EVC: variants seen among roughly 807,000 people sequenced by gnomAD.
EVC encodes EvC ciliary complex subunit 1.
In EVC, 116 loss-of-function variants were observed where a neutral mutation model predicts 118.9. The ratio of observed to expected loss-of-function variants is 0.98; its 90% CI spans 0.84 to 1.14. The LOEUF is 1.14. EVC is among the 50% of genes most tolerant of loss of function. The pLI is 0.00. For synonymous variants in EVC, 619 were observed against 534.7 expected (o/e 1.16, Z -2.18); for missense variants, 1,401 against 1,246.4 (o/e 1.12, Z -1.87).
rs1279751530 is a variant in EVC, at chr4:5,783,668, A to G, written c.1680A>G (p.Glu560=). 1.2e-6 allele frequency: 2 copies of G among 1,614,184 alleles called. No homozygotes were observed. Reference sequence around the variant, plus strand: ...AAGAGTGTGACTACTTGAGGCAGGAAGTCCAGGAGAACGCTGCCTGGCAGC... The same window carrying G: ...AAGAGTGTGACTACTTGAGGCAGGAGGTCCAGGAGAACGCTGCCTGGCAGC... ...PPEECDYLRQ[E]VQENAAWQLG... is the part of the protein sequence containing the mutation. The change falls in exon 12 of 21, where the codon GAA becomes GAG. Residue 560 remains glutamate (E), a synonymous_variant. Coordinates refer to ENST00000264956, the MANE Select transcript of EVC (RefSeq NM_153717.3).
chr4:5,752,785 T>C (rs1730589585), intron 8 of EVC, 51 bp from the exon 9 acceptor site: 3 of 1,584,282 alleles, frequency 1.9e-6, no homozygotes, highest in African/African-American at 2.7e-5. Flanking sequence ...TAACATGCCC[T>C]GGTGGTTCCC....
At chr4:5,788,135 A>G (rs1712061052) in intron 12 of EVC, among the ~76,000 whole-genome samples, 1 of 152,080 alleles carries the variant, frequency 6.6e-6, no homozygotes, top group South Asian at 2.1e-4. Context: ...CCAGTCACAC[A>G]CCACCTGTAT....
At chr4:5,747,956 A>G in intron 7 of EVC, 192 bp from the exon 8 acceptor site, 1 of 654,338 alleles carries the variant, frequency 1.5e-6, no homozygotes, top group Non-Finnish European at 2.7e-6. Flanking sequence ...TGACACTGGA[A>G]CCAGACAATG....
At chr4:5,820,433 A>T in the EVC span, among the ~76,000 whole-genome samples, 1 of 152,218 alleles carries the variant, frequency 6.6e-6, no homozygotes, top group Non-Finnish European at 1.5e-5. Context: ...TGGAAGGAAG[A>T]AATGTGAAGT....
At chr4:5,786,611 C>T (rs1471972730) in intron 12 of EVC, among the ~76,000 whole-genome samples, 2 of 152,272 alleles carry the variant, frequency 1.3e-5, no homozygotes, top group Non-Finnish European at 2.9e-5. Flanking sequence ...CGGTGGCTCA[C>T]GCCTATAATC....
intron 3 of EVC, 49 bp downstream of exon 3, chr4:5,729,439 G>T (rs1334736790): frequency 1.3e-6 from 2 of 1,545,334 alleles, no homozygotes; most frequent in Admixed American, 1.7e-5. Context: ...TCCGTCATGT[G>T]CCAGAGATTG....
chr4:5,777,962 A>G (rs1244219660), intron 11 of EVC, among the ~76,000 whole-genome samples: 3 of 151,558 alleles, frequency 2.0e-5, no homozygotes, highest in Admixed American at 6.6e-5. Flanking sequence ...AGCATTAGGT[A>G]TATCTCCCAG....
intron 8 of EVC, among the ~76,000 whole-genome samples, chr4:5,751,769 G>C (rs1054658194): frequency 6.7e-6 from 1 of 150,296 alleles, no homozygotes; most frequent in African/African-American, 2.4e-5. Context: ...GACAAGCAGG[G>C]AAGGACCACA....
intron 17 of EVC, among the ~76,000 whole-genome samples, chr4:5,807,155 G>A (rs950004684): frequency 6.6e-6 from 1 of 152,158 alleles, no homozygotes; most frequent in Non-Finnish European, 1.5e-5. Flanking sequence ...CCTTGAGGAC[G>A]GGGACTGTGG....
intron 14 of EVC, 117 bp downstream of exon 14, chr4:5,797,349 C>T (rs1300722769): frequency 2.0e-5 from 18 of 896,916 alleles, no homozygotes; most frequent in Admixed American, 4.0e-5. Context: ...CTGCAGGGTG[C>T]GGTATTCATT....
At chr4:5,821,457 G>GTT in the EVC span, 1 of 395,390 alleles carries the variant, frequency 2.5e-6, no homozygotes, top group South Asian at 5.8e-5. The surrounding 1 kb of genome is among the most constrained non-coding windows in gnomAD (Gnocchi z 4.4). Context: ...AGCCAGTGGA[G>GTT]TTAGAAGTGG....
chr4:5,756,149 G>T lies in EVC; in HGVS notation c.1465-115G>T. On this transcript the variant is annotated intron_variant, in intron 10 of 20. Coordinates refer to ENST00000264956, the MANE Select transcript of EVC (RefSeq NM_153717.3). The surrounding 1 kb of genome is among the most constrained non-coding windows in gnomAD (Gnocchi z 4.2). ...CTCAGTTTCCTTGTGTGTAATACAG[G>T]TGCCAACATCCTTCTTTCTAACCTG... The T allele has an allele frequency of 1.2e-6, 1 of 804,656 alleles. No individual in the cohort carries two copies. The highest frequency in any genetic ancestry group is 2.1e-6 in the Non-Finnish European group (1 of 479,560). The allele number at this position is 804,656 out of a possible 1,614,324, so 49.8% of individuals were successfully genotyped here.
intron 11 of EVC, among the ~76,000 whole-genome samples, chr4:5,762,614 T>A (rs1192448439): frequency 2.7e-5 from 4 of 150,084 alleles, no homozygotes; most frequent in African/African-American, 9.9e-5. Context: ...TGAGATGGTA[T>A]CTCATTGTGG....
Position 5,712,783 on chromosome 4 carries a change from T to G in EVC, c.174+1229T>G, listed in dbSNP as rs184598737. On this transcript the variant is annotated intron_variant, in intron 1 of 20. Coordinates refer to ENST00000264956, the MANE Select transcript of EVC (RefSeq NM_153717.3). ...GGGGGTTGTCAGATCCTGCTGGTGA[T>G]TAAGAGACACTAAGAGATGCTGGCT... Among the ~76,000 whole-genome samples the G allele has an allele frequency of 1.6e-3, 243 of 152,234 alleles. 1 individual carries two copies. The highest frequency in any genetic ancestry group is 5.4e-3 in the African/African-American group (225 of 41,526).
rs1159786534 is a variant in EVC, at chr4:5,711,338, G to T, written c.-43G>T. 2.0e-6 allele frequency: 2 copies of T among 1,006,706 alleles called. No homozygotes were observed. Among genetic ancestry groups the T allele is most frequent in the Non-Finnish European group, 1.2e-6 (1 of 844,568 alleles). 62.4% of individuals were successfully genotyped at this position (1,006,706 alleles called of 1,614,324 possible). A position where few individuals can be genotyped will look rare whatever the true frequency, so the allele number is the denominator to read the frequency against. ...TCGCCGCCCTGGCGGGGACGGTGCA[G>T]CAGGCGGCGGGATGCGGCGGGGCGG... On this transcript the variant is annotated 5_prime_UTR_variant, in exon 1 of 21. Transcript: ENST00000264956.
At chr4:5,721,093 C>A (rs1724885521) in intron 2 of EVC, among the ~76,000 whole-genome samples, 1 of 152,102 alleles carries the variant, frequency 6.6e-6, no homozygotes, top group South Asian at 2.1e-4. Context: ...TGCATGGCAT[C>A]TCCCTGTCTC....
chr4:5,779,557 A>G (rs34880680), intron 11 of EVC, among the ~76,000 whole-genome samples: 65,275 of 122,742 alleles, frequency 0.53, 18,294 homozygotes, highest in African/African-American at 0.72. Context: ...GGTCCTTCAC[A>G]TCCCTTGTAA....
chr4:5,784,529 C>G (rs1194243627), intron 12 of EVC, among the ~76,000 whole-genome samples: 2 of 151,814 alleles, frequency 1.3e-5, no homozygotes, highest in South Asian at 2.1e-4. Flanking sequence ...TGTAAGATAG[C>G]AGATTTGTGT....
chr4:5,734,171 G>C (rs13102296), intron 5 of EVC, among the ~76,000 whole-genome samples: 44,388 of 151,968 alleles, frequency 0.29, 6,744 homozygotes, highest in African/African-American at 0.36. Flanking sequence ...GCATCAAGAT[G>C]ACGGGGGTTA....
Sources: allele counts gnomAD v4.1 joint callset (sites outside exome capture counted in the v4.1 genomes callset), GRCh38; gene constraint gnomAD v4.1.1; non-coding constraint Gnocchi (gnomAD v3.1); transcripts MANE v1.5; gene names NCBI Gene and HGNC (gene_info 2026-07-23, HGNC 2026-07-21).